The following KNL1 variants were observed in gnomAD, a reference collection of about 807,000 sequenced individuals.
KNL1 encodes the protein outer kinetochore KNL1 complex subunit KNL1.
In KNL1, 66 loss-of-function variants were observed where a neutral mutation model predicts 201.3. The ratio of observed to expected loss-of-function variants is 0.33; its 90% CI spans 0.27 to 0.40. The LOEUF (loss-of-function observed/expected upper bound fraction) is 0.40. Among genes scored for constraint, KNL1 ranks in the 10% least tolerant of loss-of-function variants. KNL1 has a pLI of 1.00. For synonymous variants in KNL1, 895 were observed against 899.2 expected, an observed-to-expected ratio of 1.00 and a Z score of 0.08; for missense variants, 2,815 against 2,690.5, an observed-to-expected ratio of 1.05 and a Z score of -1.02.
chr15:40,660,652 G>A (rs1233618063), intron 25 of KNL1, among the ~76,000 whole-genome samples: 24 of 89,622 alleles, frequency 2.7e-4, no homozygotes, highest in Non-Finnish European at 3.8e-4. Flanking sequence ...GAGACAAAGC[G>A]AAACTCCGTC....
intron 25 of KNL1, among the ~76,000 whole-genome samples, chr15:40,661,130 T>C (rs1893896063): frequency 6.6e-6 from 1 of 152,086 alleles, no homozygotes; most frequent in Non-Finnish European, 1.5e-5. Context: ...TCCCAGCACT[T>C]TGGGAGGCCA....
At chr15:40,652,425 A>T (rs1893593446) in intron 21 of KNL1, among the ~76,000 whole-genome samples, 1 of 151,238 alleles carries the variant, frequency 6.6e-6, no homozygotes, top group African/African-American at 2.4e-5. Context: ...GTGATAGAGA[A>T]TAGAGAATTT....
Position 40,650,394 on chromosome 15 carries a change from A to G in KNL1, c.6172+16A>G, listed in dbSNP as rs762709417. ...GCAGAAAAAGGTAATTGAATTAGTTAAGGAGATAAATGGGTGTGGGGGAAG... is the reference window on the plus strand; with the variant it reads ...GCAGAAAAAGGTAATTGAATTAGTTGAGGAGATAAATGGGTGTGGGGGAAG... On this transcript the variant is annotated intron_variant, in intron 18 of 25. Coordinates refer to ENST00000399668, the MANE Select transcript of KNL1 (RefSeq NM_144508.5). The G allele has an allele frequency of 1.9e-6, 3 of 1,598,676 alleles. No homozygotes were observed. In the East Asian group the frequency reaches 6.7e-5, roughly 36 times the overall value.
At chr15:40,602,579 T>C (rs904095556) in intron 1 of KNL1, among the ~76,000 whole-genome samples, 5 of 142,528 alleles carry the variant, frequency 3.5e-5, no homozygotes, top group Non-Finnish European at 4.5e-5. Context: ...CTCCGCGTCC[T>C]GGATTCAAGC....
At chr15:40,637,558 G>A (rs1273451293) in intron 13 of KNL1, among the ~76,000 whole-genome samples, 1 of 152,080 alleles carries the variant, frequency 6.6e-6, no homozygotes, top group East Asian at 1.9e-4. Context: ...GAGTGCTGAC[G>A]TGACACCACA....
At position 40,619,015 on chromosome 15, in the gene KNL1, T is replaced by G. The variant is rs777718370; in HGVS notation, c.375+4T>G. 2.5e-6 allele frequency: 4 copies of G among 1,576,932 alleles called. No individual in the cohort carries two copies. The highest frequency in any genetic ancestry group is 1.1e-5 in the South Asian group (1 of 90,146). ...TACCCAGATGCAACAGAAGGAGGTATGAGTTCATGCAAATACCTTCATATT... is the reference window on the plus strand; with the variant it reads ...TACCCAGATGCAACAGAAGGAGGTAGGAGTTCATGCAAATACCTTCATATT... On this transcript the variant is annotated splice_donor_region_variant and intron_variant, in intron 9 of 25. Transcript: ENST00000399668.
chr15:40,623,695 A>G lies in KNL1; in HGVS notation c.3431A>G (p.Asn1144Ser). ...TALECKTLLP[N>S]EIAIRPMDKT... ...TTAGAATGTAAAACTCTCCTGCCAA[A>G]TGAAATAGCTATTAGGCCCATGGAC... Residue 1144 changes from asparagine to serine, a missense_variant, in exon 10 of 26, where the codon AAT (asparagine) becomes AGT (serine). By Grantham distance (46) the Asn-to-Ser change is conservative. Transcript: ENST00000399668. The G allele has an allele frequency of 1.2e-6, 2 of 1,614,016 alleles. No individual in the cohort carries two copies. Among genetic ancestry groups the G allele is most frequent in the South Asian group, 1.1e-5 (1 of 91,076 alleles).
intron 13 of KNL1, among the ~76,000 whole-genome samples, chr15:40,630,873 A>G (rs945863412): frequency 3.9e-5 from 6 of 152,090 alleles, no homozygotes; most frequent in Non-Finnish European, 8.8e-5. Flanking sequence ...TAATCCCAGC[A>G]CTTTGGGAGG....
intron 14 of KNL1, among the ~76,000 whole-genome samples, chr15:40,641,375 A>G (rs963146541): frequency 6.6e-6 from 1 of 152,228 alleles, no homozygotes; most frequent in African/African-American, 2.4e-5. Context: ...ATAAGAATAA[A>G]CAGTAATTTT....
intron 8 of KNL1, among the ~76,000 whole-genome samples, chr15:40,617,799 T>G (rs1892390068): frequency 6.6e-6 from 1 of 152,080 alleles, no homozygotes; most frequent in East Asian, 1.9e-4. Context: ...CAGAATAGCC[T>G]GAACTACCAT....
intron 25 of KNL1, among the ~76,000 whole-genome samples, chr15:40,660,858 G>A (rs941382230): frequency 6.6e-6 from 1 of 151,900 alleles, no homozygotes; most frequent in Non-Finnish European, 1.5e-5. Flanking sequence ...AGCTAATCTT[G>A]AGGCTGAGGT....
chr15:40,603,895 G>A (rs1399663603), intron 2 of KNL1, among the ~76,000 whole-genome samples: 1 of 152,190 alleles, frequency 6.6e-6, no homozygotes, highest in East Asian at 1.9e-4. Flanking sequence ...TAGAATGAGG[G>A]TAGTAACTTC....
intron 21 of KNL1, among the ~76,000 whole-genome samples, chr15:40,653,694 A>G (rs1349313329): frequency 6.6e-6 from 1 of 152,194 alleles, no homozygotes; most frequent in Non-Finnish European, 1.5e-5. Context: ...GATCTAGCCT[A>G]TGAAGCGTTG....
At chr15:40,619,505 G>A (rs577437136) in intron 9 of KNL1, among the ~76,000 whole-genome samples, 1 of 152,030 alleles carries the variant, frequency 6.6e-6, no homozygotes, top group East Asian at 1.9e-4. Context: ...GGGCTGAAGC[G>A]ATCCTCCCAC....
At chr15:40,627,716 C>T (rs1321697927) in intron 10 of KNL1, among the ~76,000 whole-genome samples, 1 of 152,162 alleles carries the variant, frequency 6.6e-6, no homozygotes, top group Non-Finnish European at 1.5e-5. Context: ...CCACCACATA[C>T]AGCCAATATT....
In KNL1 at chr15:40,623,327, G is replaced by A. The variant is rs755549789; in HGVS notation, c.3063G>A (p.Trp1021Ter). ...NDSQLTPLEE[W>*]SNNRGPVEVA... is the part of the protein sequence containing the mutation. ...GCCAGCTAACCCCTCTGGAGGAATGGTCTAATAATAGGGGCCCTGTAGAGG... is the reference window on the plus strand; with the variant it reads ...GCCAGCTAACCCCTCTGGAGGAATGATCTAATAATAGGGGCCCTGTAGAGG... The change falls in exon 10 of 26, where the codon TGG (tryptophan) becomes TGA (stop). Residue 1021 changes from tryptophan to a stop codon, truncating the protein, a stop_gained. Transcript: ENST00000399668. LOFTEE classifies it high-confidence loss of function. 6.2e-7 allele frequency: 1 copy of A among 1,613,942 alleles called. No individual in the cohort carries two copies. Among genetic ancestry groups the A allele is most frequent in the Admixed American group, 1.7e-5 (1 of 60,000 alleles).
chr15:40,613,336 T>A (rs1049016522), intron 7 of KNL1, among the ~76,000 whole-genome samples: 3 of 152,162 alleles, frequency 2.0e-5, no homozygotes, highest in African/African-American at 7.2e-5. Flanking sequence ...ATGCATAATA[T>A]CTCTGGAAGA....
intron 21 of KNL1, among the ~76,000 whole-genome samples, chr15:40,653,953 T>C (rs970830475): frequency 6.6e-6 from 1 of 152,174 alleles, no homozygotes; most frequent in African/African-American, 2.4e-5. Flanking sequence ...ACCCTTCTGT[T>C]GTATGTTCTT....
In KNL1 at chr15:40,629,310, T is replaced by C. The variant is rs752234014; in HGVS notation, c.5621T>C (p.Phe1874Ser). The C allele has an allele frequency of 1.9e-6, 3 of 1,603,786 alleles. No individual in the cohort carries two copies. Among genetic ancestry groups the C allele is most frequent in the South Asian group, 1.1e-5 (1 of 88,402 alleles). The change falls in exon 13 of 26, where the codon TTT (phenylalanine) becomes TCT (serine). Residue 1874 changes from phenylalanine to serine, a missense_variant. This residue lies in a region of KNL1 where 2,464 missense variants were observed against 2,291.7 expected (regional missense o/e 1.08). Coordinates refer to ENST00000399668, the MANE Select transcript of KNL1 (RefSeq NM_144508.5). ...GGGAGAATAACAATAAGGGAGTTCT[T>C]TATACTTCTCCAGGTCCACATCTTG... ...QDGRITIREF[F>S]ILLQVHILIQ...
Sources: gnomAD v4.1 joint callset for allele counts (sites outside exome capture counted in the v4.1 genomes callset) on GRCh38, gnomAD v4.1.1 for gene constraint, gnomAD v4.1.1 regional missense constraint, MANE v1.5 for transcripts, NCBI Gene and HGNC (gene_info 2026-07-23, HGNC 2026-07-21) for gene names.